Variants in GPHN observed in about 807,000 individuals in gnomAD.
GPHN encodes the protein gephyrin.
GPHN carries 17 observed loss-of-function variants against 95.5 expected under a neutral mutation model. The observed-to-expected ratio is 0.18, with a 90% confidence interval of 0.12 to 0.27. The LOEUF (loss-of-function observed/expected upper bound fraction) is 0.27, where lower values mean the gene tolerates loss of function less well. Ranked by LOEUF, GPHN falls within the 10% of genes least tolerant of loss-of-function variation. The pLI, the probability that GPHN is intolerant of heterozygous loss-of-function variation, is 1.00. For missense variants in GPHN, 660 were observed against 978.1 expected, an observed-to-expected ratio of 0.67 and a Z score of 4.34; for synonymous variants, 320 against 322.5, an observed-to-expected ratio of 0.99 and a Z score of 0.08.
At chr14:67,312,297 G>A in the GPHN span, 1 of 288,698 alleles carries the variant, frequency 3.5e-6, no homozygotes, top group Non-Finnish European at 6.3e-6. Context: ...AAAAATTGTG[G>A]CCAAGTGCAG....
At chr14:66,836,423 A>T (rs1358699011) in intron 4 of GPHN, among the ~76,000 whole-genome samples, 1 of 144,524 alleles carries the variant, frequency 6.9e-6, no homozygotes, top group Non-Finnish European at 1.5e-5. Context: ...CCTTCCTTAC[A>T]CCTTATACAA....
At chr14:67,733,637 G>C in the GPHN span, 3 of 734,092 alleles carry the variant, frequency 4.1e-6, no homozygotes, top group African/African-American at 3.5e-5. Context: ...TTTGAGTCTG[G>C]CATATATTGT....
chr14:67,495,442 A>G, the GPHN span, among the ~76,000 whole-genome samples: 1 of 151,992 alleles, frequency 6.6e-6, no homozygotes, highest in Non-Finnish European at 1.5e-5. Flanking sequence ...TCCACAGCCC[A>G]TAATAATGAG....
chr14:67,332,586 AAT>A, the GPHN span, among the ~76,000 whole-genome samples: 6 of 152,340 alleles, frequency 3.9e-5, no homozygotes, highest in South Asian at 8.3e-4. Flanking sequence ...GATGGTTCAT[AAT>A]ATGAGTCGTG....
the GPHN span, among the ~76,000 whole-genome samples, chr14:67,494,737 A>G: frequency 5.3e-5 from 8 of 152,206 alleles, no homozygotes; most frequent in African/African-American, 1.9e-4. Flanking sequence ...TGAAGACCCC[A>G]AGATCCAACA....
intron 1 of GPHN, among the ~76,000 whole-genome samples, chr14:66,530,242 AC>A (rs2058862026): frequency 6.6e-6 from 1 of 152,096 alleles, no homozygotes; most frequent in Non-Finnish European, 1.5e-5. Context: ...CTTTGTTTAC[AC>A]CGTGAGGGGA....
chr14:67,196,223 C>CTTTTTTTTTTTTTTTTT, the GPHN span, among the ~76,000 whole-genome samples: 1 of 143,140 alleles, frequency 7.0e-6, no homozygotes. Flanking sequence ...TTCTTTCTTT[C>CTTTTTTTTTTTTTTTTT]TTTTTTTTTT....
At chr14:67,326,495 C>A in the GPHN span, among the ~76,000 whole-genome samples, 23,599 of 151,786 alleles carry the variant, frequency 0.16, 3,463 homozygotes, top group East Asian at 0.42. Flanking sequence ...TATATTTTAC[C>A]TACAATACAT....
chr14:66,694,518 T>G (rs1292509450), intron 2 of GPHN, among the ~76,000 whole-genome samples: 1 of 152,204 alleles, frequency 6.6e-6, no homozygotes, highest in Admixed American at 6.5e-5. Flanking sequence ...ATCTGCATGC[T>G]TTAAAAAATT....
the GPHN span, among the ~76,000 whole-genome samples, chr14:67,246,654 T>TG: frequency 6.8e-6 from 1 of 146,516 alleles, no homozygotes; most frequent in Non-Finnish European, 1.5e-5. Context: ...TATAGGTTTT[T>TG]TTTTTTTTTT....
the GPHN span, chr14:67,582,151 G>A: frequency 6.2e-7 from 1 of 1,613,288 alleles, no homozygotes; most frequent in South Asian, 1.1e-5. The surrounding 1 kb of genome is among the most constrained non-coding windows in gnomAD (Gnocchi z 5.0). Flanking sequence ...AGAGATAGTG[G>A]CAGGGAGGTT....
At chr14:67,247,519 T>C in the GPHN span, among the ~76,000 whole-genome samples, 1 of 152,314 alleles carries the variant, frequency 6.6e-6, no homozygotes, top group African/African-American at 2.4e-5. Flanking sequence ...TGCTGTATTG[T>C]CTTGGTTAGG....
chr14:67,560,611 C>T, the GPHN span, among the ~76,000 whole-genome samples: 1 of 152,096 alleles, frequency 6.6e-6, no homozygotes, highest in Non-Finnish European at 1.5e-5. Context: ...CGTGCTGTAC[C>T]TTTATTTAGG....
intron 18 of GPHN, among the ~76,000 whole-genome samples, chr14:67,157,685 A>G (rs1302159103): frequency 2.0e-5 from 3 of 151,970 alleles, no homozygotes; most frequent in African/African-American, 7.3e-5. Context: ...TTCGCCGGGC[A>G]TGGTGGCATG....
chr14:67,309,651 C>G, the GPHN span, among the ~76,000 whole-genome samples: 1 of 152,132 alleles, frequency 6.6e-6, no homozygotes. Flanking sequence ...TGGCAATGGT[C>G]ATAAATGTAG....
At chr14:67,690,279 GCCTGCATTGTAGAATTTCTCGC>G in the GPHN span, 2 of 1,614,174 alleles carry the variant, frequency 1.2e-6, no homozygotes, top group Non-Finnish European at 1.7e-6. Flanking sequence ...AGTAGGCCAG[GCCTGCATTGTAGAATTTCTCGC>G]CCTGCAGGTT....
At chr14:66,979,529 A>G (rs2070506344) in intron 9 of GPHN, among the ~76,000 whole-genome samples, 1 of 152,218 alleles carries the variant, frequency 6.6e-6, no homozygotes, top group African/African-American at 2.4e-5. Flanking sequence ...CTCAGCATTC[A>G]TAGACTTGAA....
At chr14:67,549,514 G>A in the GPHN span, among the ~76,000 whole-genome samples, 5 of 152,022 alleles carry the variant, frequency 3.3e-5, no homozygotes, top group East Asian at 1.9e-4. Flanking sequence ...CAAGTGATCC[G>A]CCTGCCTCGG....
chr14:66,517,050 C>G (rs1017288937), intron 1 of GPHN, among the ~76,000 whole-genome samples: 1 of 147,756 alleles, frequency 6.8e-6, no homozygotes, highest in Non-Finnish European at 1.5e-5. Context: ...ATCACTTGAA[C>G]CCCTGAGGCA....
Sources: gnomAD v4.1 joint callset for allele counts (sites outside exome capture counted in the v4.1 genomes callset) on GRCh38, gnomAD v4.1.1 for gene constraint, Gnocchi (gnomAD v3.1) non-coding constraint, MANE v1.5 for transcripts, NCBI Gene and HGNC (gene_info 2026-07-23, HGNC 2026-07-21) for gene names.